Variants in TBC1D32 observed in about 807,000 individuals in gnomAD.
TBC1D32 encodes protein broad-minded.
A neutral mutation model predicts 170.3 loss-of-function variants in TBC1D32; 151 were observed. The ratio of observed to expected loss-of-function variants is 0.89; its 90% CI spans 0.78 to 1.01. TBC1D32 has a LOEUF of 1.01. Among genes scored for constraint, TBC1D32 ranks in the 50% least tolerant of loss-of-function variants. The pLI is 0.00. For missense variants in TBC1D32, 1,464 were observed against 1,457.1 expected (o/e 1.00, Z -0.08); for synonymous variants, 498 against 488.0 (o/e 1.02, Z -0.27).
At chr6:121,173,389 C>T (rs1185281922) in intron 22 of TBC1D32, among the ~76,000 whole-genome samples, 2 of 152,018 alleles carry the variant, frequency 1.3e-5, no homozygotes, top group Non-Finnish European at 2.9e-5. Context: ...AATGAACTCC[C>T]TTTTATATAT....
At chr6:121,148,490 G>A (rs1783768511) in intron 24 of TBC1D32, among the ~76,000 whole-genome samples, 1 of 151,568 alleles carries the variant, frequency 6.6e-6, no homozygotes, top group Non-Finnish European at 1.5e-5. Flanking sequence ...AAATCCTCTG[G>A]GTATATACAC....
rs371697882 is a variant in TBC1D32 at position 121,104,017 on chromosome 6, C to T, written c.3465+2006G>A. ...GGCCAAGGAAGAGTATTCCTTTACA[C>T]TACATGCAATTCATTGCTATATTTA... On this transcript the variant is annotated intron_variant, in intron 30 of 31. Coordinates refer to ENST00000398212, the MANE Select transcript of TBC1D32 (RefSeq NM_152730.6). 2.8e-4 allele frequency among the ~76,000 whole-genome samples: 42 copies of T among 151,936 alleles called. No homozygotes were observed. The East Asian group carries it at 4.6e-3, about 17-fold the overall frequency.
intron 24 of TBC1D32, among the ~76,000 whole-genome samples, chr6:121,143,634 A>C (rs923297575): frequency 2.0e-5 from 3 of 152,210 alleles, no homozygotes; most frequent in African/African-American, 7.2e-5. Context: ...AAATCTGTGA[A>C]TCATTACATG....
chr6:121,137,794 G>T (rs74663826), intron 24 of TBC1D32, among the ~76,000 whole-genome samples: 2,283 of 151,840 alleles, frequency 0.015, 74 homozygotes, highest in African/African-American at 0.053. Context: ...GAGGGAAACA[G>T]TAAGGTCGAC....
At chr6:121,137,790 A>G (rs545805241) in intron 24 of TBC1D32, among the ~76,000 whole-genome samples, 139 of 152,068 alleles carry the variant, frequency 9.1e-4, no homozygotes, top group Non-Finnish European at 1.3e-3. Context: ...AGGGGAGGGA[A>G]ACAGTAAGGT....
chr6:121,280,059 A>C (rs1802770238), intron 14 of TBC1D32, among the ~76,000 whole-genome samples: 1 of 151,914 alleles, frequency 6.6e-6, no homozygotes, highest in Non-Finnish European at 1.5e-5. Flanking sequence ...ATACTCACCT[A>C]AAGAAGTCCT....
intron 5 of TBC1D32, among the ~76,000 whole-genome samples, chr6:121,305,258 T>C (rs112577857): frequency 2.2e-3 from 337 of 152,244 alleles, no homozygotes; most frequent in African/African-American, 7.6e-3. Context: ...TTTAGAATTA[T>C]TTCTAATAAT....
At chr6:121,323,312 T>G (rs201326707) in intron 1 of TBC1D32, among the ~76,000 whole-genome samples, 914 of 77,022 alleles carry the variant, frequency 0.012, 5 homozygotes, top group African/African-American at 0.022. Context: ...CTTCCCTCTC[T>G]CCTCTCATAT....
intron 26 of TBC1D32, among the ~76,000 whole-genome samples, chr6:121,118,064 T>C (rs1779867299): frequency 6.6e-6 from 1 of 152,140 alleles, no homozygotes; most frequent in Non-Finnish European, 1.5e-5. Context: ...GTGTGTAGGA[T>C]ACATAACACA....
intron 29 of TBC1D32, among the ~76,000 whole-genome samples, chr6:121,107,345 AAAT>A (rs1414113086): frequency 6.6e-6 from 1 of 151,954 alleles, no homozygotes; most frequent in African/African-American, 2.4e-5. Context: ...CATTCATCAT[AAAT>A]GACTTATTTC....
chr6:121,226,401 A>T (rs1795070938), intron 20 of TBC1D32, among the ~76,000 whole-genome samples: 2 of 152,154 alleles, frequency 1.3e-5, no homozygotes, highest in African/African-American at 4.8e-5. Flanking sequence ...TCAGGCAGAG[A>T]TGTGCTACAT....
intron 15 of TBC1D32, among the ~76,000 whole-genome samples, chr6:121,257,862 T>C (rs1799248999): frequency 6.6e-6 from 1 of 152,102 alleles, no homozygotes; most frequent in Non-Finnish European, 1.5e-5. Flanking sequence ...TGGTCTTAGA[T>C]AGCTTCTAAA....
At chr6:121,293,788 G>A (rs2128466041) in intron 11 of TBC1D32, among the ~76,000 whole-genome samples, 1 of 152,226 alleles carries the variant, frequency 6.6e-6, no homozygotes, top group East Asian at 1.9e-4. Flanking sequence ...GCAGGCACCT[G>A]TACTCCCAGC....
chr6:121,204,256 G>T (rs1049231411), intron 22 of TBC1D32, among the ~76,000 whole-genome samples: 7 of 151,170 alleles, frequency 4.6e-5, no homozygotes, highest in Admixed American at 3.3e-4. Flanking sequence ...TACCTTCTTT[G>T]TACTATAAAG....
At chr6:121,323,091 C>T (rs1471525515) in intron 1 of TBC1D32, among the ~76,000 whole-genome samples, 1 of 152,186 alleles carries the variant, frequency 6.6e-6, no homozygotes, top group African/African-American at 2.4e-5. Context: ...TTTCAATACT[C>T]CCAAACTTGA....
intron 22 of TBC1D32, among the ~76,000 whole-genome samples, chr6:121,185,005 A>T (rs9482118): frequency 0.67 from 101,612 of 151,522 alleles, 38,722 homozygotes; most frequent in Non-Finnish European, 0.86. Flanking sequence ...TCAGAGGACC[A>T]TGTATATACT....
intron 21 of TBC1D32, among the ~76,000 whole-genome samples, chr6:121,205,686 T>G (rs993280389): frequency 7.9e-5 from 12 of 152,152 alleles, no homozygotes; most frequent in African/African-American, 2.9e-4. Flanking sequence ...CGTAGGGAAC[T>G]TAAGAAAGAT....
intron 15 of TBC1D32, among the ~76,000 whole-genome samples, chr6:121,268,947 C>T (rs1223298316): frequency 1.3e-5 from 2 of 152,106 alleles, no homozygotes; most frequent in African/African-American, 4.8e-5. Context: ...AAGAGAGTAG[C>T]AGCCAATATT....
At chr6:121,292,310 T>A in intron 11 of TBC1D32, 117 bp from the exon 12 acceptor site, 2 of 1,041,492 alleles carry the variant, frequency 1.9e-6, no homozygotes, top group Non-Finnish European at 2.7e-6. Flanking sequence ...ACATTACTGG[T>A]CAAAAATTTT....
Sources: gnomAD v4.1 joint callset for allele counts (sites outside exome capture counted in the v4.1 genomes callset) on GRCh38, gnomAD v4.1.1 for gene constraint, MANE v1.5 for transcripts, NCBI Gene and HGNC (gene_info 2026-07-23, HGNC 2026-07-21) for gene names.